Variants in ZNF160 observed in about 807,000 individuals in gnomAD.
ZNF160 encodes zinc finger protein 160, also known as KRAB zinc finger protein KR18.
ZNF160 carries 9 observed loss-of-function variants against 13.1 expected under a neutral mutation model. The ratio of observed to expected loss-of-function variants is 0.69; its 90% CI spans 0.41 to 1.20. The LOEUF is 1.20. ZNF160 is among the 50% of genes most tolerant of loss of function. The probability of loss-of-function intolerance (pLI) is 0.01; values close to 1 mark genes in which losing one functional copy is unlikely to be tolerated. For synonymous variants in ZNF160, 293 were observed against 333.2 expected, an observed-to-expected ratio of 0.88 and a Z score of 1.31; for missense variants, 838 against 988.0, an observed-to-expected ratio of 0.85 and a Z score of 2.04.
intron 1 of ZNF160, among the ~76,000 whole-genome samples, chr19:53,096,721 C>T (rs59038863): frequency 0.36 from 38,324 of 107,336 alleles, 1,198 homozygotes; most frequent in East Asian, 0.43. Context: ...GGCAGGAGAC[C>T]TGAGGGAGGG....
intron 3 of ZNF160, among the ~76,000 whole-genome samples, chr19:53,082,884 C>T (rs971602146): frequency 5.5e-5 from 2 of 36,286 alleles, no homozygotes; most frequent in African/African-American, 2.1e-4. Flanking sequence ...TTTTCCTGTG[C>T]TTTTGACAGA....
rs1568501188 is a variant in ZNF160 at position 53,091,716 on chromosome 19, C to T, written c.-349G>A. 1.3e-5 allele frequency: 2 copies of T among 152,202 alleles called. No homozygotes were observed. Among genetic ancestry groups the T allele is most frequent in the South Asian group, 4.1e-4 (2 of 4,830 alleles). The allele number at this position is 152,202 out of a possible 1,614,324, so 9.4% of individuals were successfully genotyped here. Reference sequence around the variant, plus strand: ...AGGGGGCAGTGTTCGGATCCAGGAACGTTTCTGCAATTAAAATTAAGCATT... The same window carrying T: ...AGGGGGCAGTGTTCGGATCCAGGAATGTTTCTGCAATTAAAATTAAGCATT... On this transcript the variant is annotated 5_prime_UTR_variant, in exon 2 of 6. Transcript: ENST00000683776.
chr19:53,072,227 G>A (rs1001944537), intron 5 of ZNF160, among the ~76,000 whole-genome samples: 1 of 151,716 alleles, frequency 6.6e-6, no homozygotes, highest in African/African-American at 2.4e-5. Flanking sequence ...TCAGTCTCCC[G>A]AATAGCTGGG....
At position 53,068,147 on chromosome 19, in the gene ZNF160, T is replaced by A. The variant is rs764811582; in HGVS notation, c.2387A>T (p.Lys796Met). The change falls in exon 6 of 6, where the codon AAG becomes ATG. Residue 796 changes from lysine (K) to methionine (M), a missense_variant. Lys to Met is a moderately conservative substitution (Grantham distance 95). Transcript: ENST00000683776. Reference sequence around the variant, plus strand: ...AAGATTTGAACTCTGCCTGAAGACCTTGCCACACTCATTACATTTGTAACG... The same window carrying A: ...AAGATTTGAACTCTGCCTGAAGACCATGCCACACTCATTACATTTGTAACG... ...EKRYKCNECGKVFRQSSNLAS... is the reference protein window; with the variant it reads ...EKRYKCNECGMVFRQSSNLAS... The A allele has an allele frequency of 1.2e-6, 2 of 1,614,154 alleles. No homozygotes were observed. Among genetic ancestry groups the A allele is most frequent in the Non-Finnish European group, 1.7e-6 (2 of 1,179,986 alleles).
rs147062809 is a variant in ZNF160 at position 53,068,426 on chromosome 19, T to C, written c.2108A>G (p.Lys703Arg). Residue 703 changes from lysine to arginine, a missense_variant, in exon 6 of 6, where the codon AAA (lysine) becomes AGA (arginine). Transcript: ENST00000683776. Reference protein sequence around the residue: ...ANHQRTHTGEKPYRCNECGKA... With the variant: ...ANHQRTHTGERPYRCNECGKA... ...CCCACACTCATTGCATCGGTAAGGT[T>C]TCTCTCCGGTGTGAGTCCTTTGATG... is the stretch of plus-strand genomic sequence containing the variant. 2,043 of 1,614,060 alleles carry C rather than the reference T, an allele frequency of 1.3e-3. 4 individuals carry two copies. Among genetic ancestry groups the C allele is most frequent in the Non-Finnish European group, 1.6e-3 (1,890 of 1,179,980 alleles).
chr19:53,099,320 G>C (rs1225745584), intron 1 of ZNF160, among the ~76,000 whole-genome samples: 1 of 152,194 alleles, frequency 6.6e-6, no homozygotes, highest in African/African-American at 2.4e-5. Flanking sequence ...GACAAAGACT[G>C]AGACAGGAAA....
intron 2 of ZNF160, 126 bp from the exon 3 acceptor site, chr19:53,086,447 A>C: frequency 1.4e-6 from 1 of 737,878 alleles, no homozygotes; most frequent in Non-Finnish European, 2.0e-6. Context: ...CCCTGTGGAA[A>C]GATGGTCCTC....
chr19:53,072,946 G>A, intron 5 of ZNF160: 2 of 768,836 alleles, frequency 2.6e-6, no homozygotes, highest in Non-Finnish European at 3.2e-6. Context: ...ACTGGAATAT[G>A]ATTTTTAAAA....
chr19:53,098,111 G>T (rs1391335646), intron 1 of ZNF160, among the ~76,000 whole-genome samples: 1 of 152,116 alleles, frequency 6.6e-6, no homozygotes, highest in Non-Finnish European at 1.5e-5. Flanking sequence ...GAGACATCAG[G>T]GCATTACAAA....
intron 1 of ZNF160, among the ~76,000 whole-genome samples, chr19:53,100,529 G>A (rs1226562073): frequency 6.6e-6 from 1 of 152,076 alleles, no homozygotes; most frequent in Non-Finnish European, 1.5e-5. Context: ...AGAATGGCAT[G>A]AACCTGGGAG....
intron 1 of ZNF160, among the ~76,000 whole-genome samples, chr19:53,099,082 C>G (rs1260439991): frequency 8.5e-6 from 1 of 117,754 alleles, no homozygotes; most frequent in East Asian, 2.2e-4. Flanking sequence ...TGCAGTCGTC[C>G]CGTGGCCAAG....
rs1381918017 is a variant in ZNF160 at position 53,069,119 on chromosome 19, T to C, written c.1415A>G (p.Gln472Arg). Residue 472 changes from glutamine to arginine, a missense_variant, in exon 6 of 6, where the codon CAG becomes CGG. Transcript: ENST00000683776. The surrounding 1 kb of genome is among the most constrained non-coding windows in gnomAD (Gnocchi z 4.4). The part of the protein sequence containing the change: ...FSMHSNLATH[Q>R]VIHTGTKPFK... ...AGGTTTTGTTCCAGTATGGATGACC[T>C]GATGGGTAGCTAGGTTTGAATGCAT... The C allele has an allele frequency of 1.2e-5, 19 of 1,614,060 alleles. No individual in the cohort carries two copies. The highest frequency in any genetic ancestry group is 2.2e-5 in the East Asian group (1 of 44,898).
At chr19:53,092,977 C>G (rs2085090207) in intron 1 of ZNF160, among the ~76,000 whole-genome samples, 1 of 152,024 alleles carries the variant, frequency 6.6e-6, no homozygotes, top group Admixed American at 6.6e-5. Flanking sequence ...TTCCATGATC[C>G]CAAGCAAAGA....
At chr19:53,100,880 G>A (rs2085422398) in intron 1 of ZNF160, among the ~76,000 whole-genome samples, 1 of 152,052 alleles carries the variant, frequency 6.6e-6, no homozygotes, top group South Asian at 2.1e-4. Flanking sequence ...CTACTTGGGA[G>A]GCTGAGGCAG....
chr19:53,078,843 T>A (rs2084510799), intron 3 of ZNF160, among the ~76,000 whole-genome samples: 1 of 149,746 alleles, frequency 6.7e-6, no homozygotes, highest in South Asian at 2.1e-4. Flanking sequence ...AACACATGCA[T>A]AACTCATAAG....
At chr19:53,073,368 A>AC in intron 5 of ZNF160, 1 of 1,598,288 alleles carries the variant, frequency 6.3e-7, no homozygotes, top group East Asian at 2.2e-5. Context: ...CTTATCACAC[A>AC]CCCCCATGAA....
At chr19:53,070,946 C>T (rs1319628155) in intron 5 of ZNF160, among the ~76,000 whole-genome samples, 1 of 151,900 alleles carries the variant, frequency 6.6e-6, no homozygotes, top group Non-Finnish European at 1.5e-5. Context: ...GCCTGTAATC[C>T]CAGCACTTTG....
intron 5 of ZNF160, chr19:53,073,375 T>C (rs757187546): frequency 1.3e-5 from 21 of 1,598,200 alleles, no homozygotes; most frequent in Admixed American, 8.3e-5. Flanking sequence ...CACACCCCCA[T>C]GAAAGTGGCA....
chr19:53,071,555 A>G (rs1183849713), intron 5 of ZNF160, among the ~76,000 whole-genome samples: 1 of 150,608 alleles, frequency 6.6e-6, no homozygotes, highest in Admixed American at 6.6e-5. Flanking sequence ...AAAAAAAAAA[A>G]AAAAGGCTGA....
Sources: allele counts gnomAD v4.1 joint callset (sites outside exome capture counted in the v4.1 genomes callset), GRCh38; gene constraint gnomAD v4.1.1; non-coding constraint Gnocchi (gnomAD v3.1); transcripts MANE v1.5; gene names NCBI Gene and HGNC (gene_info 2026-07-23, HGNC 2026-07-21).